The following TANC1 variants were observed in gnomAD, a reference collection of about 807,000 sequenced individuals.
The protein encoded by TANC1 is protein TANC1.
TANC1 carries 77 observed loss-of-function variants against 149.7 expected under a neutral mutation model. That is an observed-to-expected ratio of 0.51 (90% CI 0.43 to 0.62). The LOEUF is 0.62. TANC1 is among the 20% of genes least tolerant of loss of function. The pLI is 0.00. For synonymous variants in TANC1, 854 were observed against 925.0 expected (o/e 0.92, Z 1.39); for missense variants, 1,985 against 2,321.8 (o/e 0.85, Z 2.98).
intron 8 of TANC1, among the ~76,000 whole-genome samples, 197 bp from the exon 9 acceptor site, chr2:159,169,053 A>G (rs1214162404): frequency 6.6e-6 from 1 of 152,234 alleles, no homozygotes; most frequent in East Asian, 1.9e-4. Flanking sequence ...AAGAAAAAGA[A>G]GCATTTGGTT....
chr2:159,047,661 A>T (rs1293360722), intron 2 of TANC1, among the ~76,000 whole-genome samples: 7 of 152,182 alleles, frequency 4.6e-5, no homozygotes, highest in South Asian at 2.1e-4. Flanking sequence ...GCCTTTCCAG[A>T]CAGAACCAAT....
At chr2:159,170,447 C>A in intron 9 of TANC1, 77 bp from the exon 10 acceptor site, 1 of 1,351,176 alleles carries the variant, frequency 7.4e-7, no homozygotes, top group Non-Finnish European at 1.0e-6. Context: ...TAGTGTAACA[C>A]ACAAGCAATA....
At chr2:159,045,140 T>A (rs1470580210) in intron 2 of TANC1, among the ~76,000 whole-genome samples, 1 of 152,114 alleles carries the variant, frequency 6.6e-6, no homozygotes, top group Non-Finnish European at 1.5e-5. Flanking sequence ...CCACAAGAGG[T>A]GATAGTGTAT....
At chr2:159,066,131 G>T (rs1318382890) in intron 3 of TANC1, among the ~76,000 whole-genome samples, 160 bp downstream of exon 3, 1 of 152,228 alleles carries the variant, frequency 6.6e-6, no homozygotes, top group Middle Eastern at 3.2e-3. Flanking sequence ...AAATAGGCCA[G>T]ACATGGTGAC....
chr2:158,980,619 A>T (rs1175214275), intron 1 of TANC1, among the ~76,000 whole-genome samples: 3 of 152,038 alleles, frequency 2.0e-5, no homozygotes, highest in Admixed American at 6.6e-5. Context: ...TACTAAAAAT[A>T]CAAAAAATAG....
At chr2:159,035,925 A>T (rs1206034784) in intron 2 of TANC1, among the ~76,000 whole-genome samples, 1 of 152,214 alleles carries the variant, frequency 6.6e-6, no homozygotes, top group Non-Finnish European at 1.5e-5. Flanking sequence ...TGTTAGATTT[A>T]ATTTTAAGGG....
At chr2:158,984,416 C>G (rs1288279326) in intron 1 of TANC1, among the ~76,000 whole-genome samples, 1 of 152,152 alleles carries the variant, frequency 6.6e-6, no homozygotes, top group Non-Finnish European at 1.5e-5. Context: ...TGGTGTTAGC[C>G]AACTCAACAA....
intron 16 of TANC1, 80 bp downstream of exon 16, chr2:159,187,104 TC>T (rs2057044158): frequency 6.4e-7 from 1 of 1,552,924 alleles, no homozygotes; most frequent in South Asian, 1.2e-5. Flanking sequence ...CCTGTTTCCC[TC>T]TGCCCTGGGT....
rs146655953 is a variant in TANC1, at chr2:159,192,834, A to G, written c.2743-1423A>G. On this transcript the variant is annotated intron_variant, in intron 16 of 26. Coordinates refer to ENST00000263635, the MANE Select transcript of TANC1 (RefSeq NM_033394.3). ...TGGCTAATTTTTGTATTTTTAGTAG[A>G]CACGGGGTTTTCACCCTGTTCTTCA... Among the ~76,000 whole-genome samples the G allele has an allele frequency of 2.1e-3, 325 of 152,184 alleles. 2 individuals are homozygous for G. Among genetic ancestry groups the G allele is most frequent in the African/African-American group, 7.7e-3 (321 of 41,522 alleles).
chr2:159,044,960 G>A (rs886143951), intron 2 of TANC1, among the ~76,000 whole-genome samples: 12 of 152,176 alleles, frequency 7.9e-5, no homozygotes, highest in African/African-American at 2.7e-4. Flanking sequence ...AGAACTTTGC[G>A]GGATCCTGCC....
rs1013416409 is a variant in TANC1, at chr2:159,201,479, G to A, written c.3244+2426G>A. ...GGCTCAACTTCAAGCCATGGGCCCC[G>A]GGATTCCCCAGCCTGTGTGGCTGTA... On this transcript the variant is annotated intron_variant, in intron 19 of 26. Coordinates refer to ENST00000263635, the MANE Select transcript of TANC1 (RefSeq NM_033394.3). Among the ~76,000 whole-genome samples the A allele has an allele frequency of 5.9e-5, 9 of 152,290 alleles. No individual in the cohort carries two copies. The East Asian group carries it at 9.7e-4, about 16-fold the overall frequency.
chr2:159,173,945 G>A (rs2055545476), intron 11 of TANC1, among the ~76,000 whole-genome samples: 1 of 152,164 alleles, frequency 6.6e-6, no homozygotes, highest in South Asian at 2.1e-4. Flanking sequence ...TCTGTGTCAG[G>A]TTGGCAAGGC....
rs1461651564 is a variant in TANC1, at chr2:159,194,417, G to A, written c.2903G>A (p.Gly968Asp). ...TGCCTGGACGGAACGTCAGAGAACG[G>A]CATGACTGCCCTCTGTTACGCAGCA... ...GACLDGTSENGMTALCYAAAA... is the reference protein window; with the variant it reads ...GACLDGTSENDMTALCYAAAA... Residue 968 changes from glycine (G) to aspartate (D), a missense_variant, in exon 17 of 27, where the codon GGC (glycine) becomes GAC (aspartate). This residue lies in a region of TANC1 where 508 missense variants were observed against 714.2 expected (regional missense o/e 0.71). Transcript: ENST00000263635. 1.2e-6 allele frequency: 2 copies of A among 1,614,146 alleles called. No homozygotes were observed. The highest frequency in any genetic ancestry group is 1.7e-6 in the Non-Finnish European group (2 of 1,180,060).
At chr2:159,179,285 C>T in intron 14 of TANC1, 122 bp downstream of exon 14, 1 of 1,318,126 alleles carries the variant, frequency 7.6e-7, no homozygotes, top group South Asian at 1.4e-5. Flanking sequence ...TTCAGTGTTA[C>T]TGCTTTGTTT....
At chr2:159,109,482 T>C (rs773584814) in intron 4 of TANC1, among the ~76,000 whole-genome samples, 1 of 152,234 alleles carries the variant, frequency 6.6e-6, no homozygotes, top group Non-Finnish European at 1.5e-5. Flanking sequence ...ATGGGATTAA[T>C]GCCCTTATAT....
chr2:159,111,962 TTGTA>T lies in TANC1; in HGVS notation c.259+14132_259+14135del, dbSNP rs554120950. On this transcript the variant is annotated intron_variant, in intron 4 of 26. Transcript: ENST00000263635. The stretch of plus-strand genomic sequence containing the variant: ...CTAGTGTTAACATTTGATACAGAAA[TTGTA>T]TGTCTTGAAGTGAGACGTACAAACT... 4.1e-3 allele frequency among the ~76,000 whole-genome samples: 624 copies of T among 152,316 alleles called. 3 individuals carry two copies. Among genetic ancestry groups the T allele is most frequent in the Non-Finnish European group, 4.7e-3 (320 of 68,018 alleles).
chr2:159,091,983 TGTA>T, intron 3 of TANC1, among the ~76,000 whole-genome samples: 1 of 132,994 alleles, frequency 7.5e-6, no homozygotes, highest in Non-Finnish European at 1.6e-5. Flanking sequence ...TGTGTGTGTA[TGTA>T]TGTAGAGTTA....
At chr2:159,081,654 T>A (rs1253297000) in intron 3 of TANC1, among the ~76,000 whole-genome samples, 1 of 152,224 alleles carries the variant, frequency 6.6e-6, no homozygotes. Flanking sequence ...TATGGGAGTA[T>A]AGTTGTCTGT....
At position 159,172,138 on chromosome 2, in the gene TANC1, G is replaced by T. The variant is rs2055327126; in HGVS notation, c.1369G>T (p.Asp457Tyr). The change falls in exon 11 of 27, where the codon GAT becomes TAT. Residue 457 changes from aspartate (D) to tyrosine (Y), a missense_variant. Physicochemically the swap from Asp to Tyr is radical, Grantham distance 160. This residue lies in a region of TANC1 where 557 missense variants were observed against 612.9 expected (regional missense o/e 0.91). Coordinates refer to ENST00000263635, the MANE Select transcript of TANC1 (RefSeq NM_033394.3). The stretch of plus-strand genomic sequence containing the variant: ...CTCTGCAGCCTCTGACCCCACTCAG[G>T]ATCTTCATTTCACTCCGTTGCTTTC... ...SSPKTSDPTQ[D>Y]LHFTPLLSPS... 1 of 1,614,144 alleles carries T rather than the reference G, an allele frequency of 6.2e-7. No homozygotes were observed. Among genetic ancestry groups the T allele is most frequent in the Non-Finnish European group, 8.5e-7 (1 of 1,180,014 alleles).
Sources: allele counts gnomAD v4.1 joint callset (sites outside exome capture counted in the v4.1 genomes callset), GRCh38; gene constraint gnomAD v4.1.1; regional missense constraint gnomAD v4.1.1; transcripts MANE v1.5; gene names NCBI Gene and HGNC (gene_info 2026-07-23, HGNC 2026-07-21).